The following STK3 variants were observed in gnomAD, a reference collection of about 807,000 sequenced individuals.
STK3 encodes serine/threonine-protein kinase 3.
Under a neutral mutation model 58.0 loss-of-function variants are expected in STK3, and 41 were observed. The ratio of observed to expected loss-of-function variants is 0.71; its 90% CI spans 0.55 to 0.92. The LOEUF (loss-of-function observed/expected upper bound fraction) is 0.92, where lower values mean the gene tolerates loss of function less well. STK3 is among the 40% of genes least tolerant of loss of function. The probability of loss-of-function intolerance (pLI) is 0.00; values close to 1 mark genes in which losing one functional copy is unlikely to be tolerated. For synonymous variants in STK3, 170 were observed against 191.0 expected, an observed-to-expected ratio of 0.89 and a Z score of 0.91; for missense variants, 479 against 602.7, an observed-to-expected ratio of 0.79 and a Z score of 2.15.
intron 1 of STK3, among the ~76,000 whole-genome samples, chr8:98,443,413 G>A (rs528393214): frequency 6.6e-6 from 1 of 152,320 alleles, no homozygotes; most frequent in East Asian, 1.9e-4. Flanking sequence ...CTATGTTCAT[G>A]AGTTTGCTTG....
At chr8:98,590,027 C>T (rs1490530550) in intron 7 of STK3, among the ~76,000 whole-genome samples, 7 of 152,194 alleles carry the variant, frequency 4.6e-5, no homozygotes, top group East Asian at 1.9e-4. Context: ...GAACCGGGTA[C>T]CTCAGATGGA....
chr8:98,739,465 G>A (rs1828978905), intron 4 of STK3, among the ~76,000 whole-genome samples: 1 of 150,478 alleles, frequency 6.6e-6, no homozygotes, highest in Admixed American at 6.7e-5. Context: ...AGCCACCGCT[G>A]CTGGTACCCA....
chr8:98,347,290 G>A, the STK3 span, among the ~76,000 whole-genome samples: 92 of 151,942 alleles, frequency 6.1e-4, 3 homozygotes, highest in African/African-American at 1.9e-3. Flanking sequence ...CGAGGCGGGC[G>A]GATCACGAGG....
intron 6 of STK3, among the ~76,000 whole-genome samples, chr8:98,676,063 G>T (rs1325712001): frequency 2.0e-5 from 3 of 152,168 alleles, no homozygotes; most frequent in Non-Finnish European, 2.9e-5. Flanking sequence ...ACTACAAGAT[G>T]AATGAACCTT....
At chr8:98,559,081 G>A (rs1055354951) in intron 8 of STK3, among the ~76,000 whole-genome samples, 2 of 152,018 alleles carry the variant, frequency 1.3e-5, no homozygotes, top group Non-Finnish European at 2.9e-5. Context: ...CTTAAGCATT[G>A]CTGAAGAAAT....
At chr8:98,793,228 T>C (rs1023003597) in intron 1 of STK3, among the ~76,000 whole-genome samples, 3 of 152,066 alleles carry the variant, frequency 2.0e-5, no homozygotes, top group Admixed American at 6.5e-5. Flanking sequence ...GGGTACAGTG[T>C]ATACTGCTCA....
chr8:98,428,538 A>T lies in STK3; in HGVS notation n.483+5589T>A. The T allele has an allele frequency of 6.2e-7, 1 of 1,614,176 alleles. No homozygotes were observed. Among genetic ancestry groups the T allele is most frequent in the Non-Finnish European group, 8.5e-7 (1 of 1,180,018 alleles). On this transcript the variant is annotated intron_variant and non_coding_transcript_variant, in intron 3 of 3. Transcript: ENST00000517832. This position sits in a 1 kb window ranked among gnomAD's most constrained non-coding sequence, Gnocchi z 6.7. The stretch of plus-strand genomic sequence containing the variant: ...CAACCCCGGCTACTCAGTGCTGAGC[A>T]GGGTCTTCAGCATCCTGTCCATCCT...
intron 6 of STK3, among the ~76,000 whole-genome samples, chr8:98,653,595 TAAA>T (rs1177727880): frequency 6.6e-6 from 1 of 151,462 alleles, no homozygotes; most frequent in Non-Finnish European, 1.5e-5. Flanking sequence ...GCAAGACTAA[TAAA>T]GAAGAAAAGA....
At chr8:98,548,271 A>G (rs1180330543) in intron 8 of STK3, 110 bp from the exon 9 acceptor site, 6 of 755,262 alleles carry the variant, frequency 7.9e-6, no homozygotes, top group African/African-American at 7.3e-5. Context: ...TAAAAATACT[A>G]TTAGTACTGA....
At chr8:98,819,131 G>A (rs1657929801) in intron 1 of STK3, among the ~76,000 whole-genome samples, 1 of 151,964 alleles carries the variant, frequency 6.6e-6, no homozygotes, top group South Asian at 2.1e-4. Context: ...CCCAATGAAC[G>A]TTTTTGAGAC....
intron 3 of STK3, among the ~76,000 whole-genome samples, chr8:98,749,768 C>T (rs1219110112): frequency 1.3e-5 from 2 of 151,834 alleles, no homozygotes; most frequent in Admixed American, 1.3e-4. Context: ...TTAATCAACT[C>T]GAAAATAATC....
chr8:98,664,278 AG>A (rs919740210), intron 6 of STK3, among the ~76,000 whole-genome samples: 2 of 152,166 alleles, frequency 1.3e-5, no homozygotes, highest in African/African-American at 4.8e-5. Context: ...ACCAAAAAAA[AG>A]GGGATCAGCA....
At chr8:98,383,925 T>C (rs1817764294) in intron 1 of STK3, among the ~76,000 whole-genome samples, 1 of 152,216 alleles carries the variant, frequency 6.6e-6, no homozygotes, top group Non-Finnish European at 1.5e-5. Context: ...ACCAGGCTAG[T>C]GTATTAATGA....
intron 3 of STK3, among the ~76,000 whole-genome samples, chr8:98,876,710 G>C (rs1240198907): frequency 6.6e-6 from 1 of 152,190 alleles, no homozygotes; most frequent in African/African-American, 2.4e-5. Flanking sequence ...TCCTAGTAGG[G>C]CTCAATAAAC....
intron 1 of STK3, among the ~76,000 whole-genome samples, chr8:98,915,130 G>A (rs1269068708): frequency 6.6e-6 from 1 of 152,074 alleles, no homozygotes; most frequent in African/African-American, 2.4e-5. Context: ...TCCTGGGTGT[G>A]TCTGTGAGAG....
intron 1 of STK3, among the ~76,000 whole-genome samples, chr8:98,810,579 G>A (rs934352728): frequency 1.4e-4 from 9 of 65,530 alleles, no homozygotes; most frequent in Non-Finnish European, 2.0e-4. Flanking sequence ...TTTCTTTGGA[G>A]AAATCTCTAA....
chr8:98,518,677 C>T (rs572789625), intron 10 of STK3, among the ~76,000 whole-genome samples: 2 of 152,216 alleles, frequency 1.3e-5, no homozygotes, highest in East Asian at 3.9e-4. Flanking sequence ...CTACATGGAC[C>T]TAGACAATCA....
At chr8:98,368,338 C>T (rs1817582777), downstream of STK3, among the ~76,000 whole-genome samples, 1 of 152,166 alleles carries the variant, frequency 6.6e-6, no homozygotes, top group Non-Finnish European at 1.5e-5. Flanking sequence ...ACAGTCTCTG[C>T]AGTTTCTCAA....
intron 6 of STK3, among the ~76,000 whole-genome samples, chr8:98,685,827 C>T (rs1175887641): frequency 6.6e-6 from 1 of 151,540 alleles, no homozygotes; most frequent in Non-Finnish European, 1.5e-5. Context: ...CCTACACACC[C>T]TGTCAGGAAA....
Sources: gnomAD v4.1 joint callset for allele counts (sites outside exome capture counted in the v4.1 genomes callset) on GRCh38, gnomAD v4.1.1 for gene constraint, Gnocchi (gnomAD v3.1) non-coding constraint, MANE v1.5 for transcripts, NCBI Gene and HGNC (gene_info 2026-07-23, HGNC 2026-07-21) for gene names.